The following CTNND2 variants were observed in gnomAD, a reference collection of about 807,000 sequenced individuals.
CTNND2 encodes catenin delta-2.
A neutral mutation model predicts 144.4 loss-of-function variants in CTNND2; 22 were observed. The observed-to-expected ratio is 0.15, with a 90% CI of 0.11 to 0.22. The LOEUF (loss-of-function observed/expected upper bound fraction) is 0.22. CTNND2 is among the 10% of genes least tolerant of loss of function. The pLI is 1.00. For missense variants in CTNND2, 1,353 were observed against 1,618.8 expected, an observed-to-expected ratio of 0.84 and a Z score of 2.82; for synonymous variants, 751 against 695.6, an observed-to-expected ratio of 1.08 and a Z score of -1.25.
intron 1 of CTNND2, among the ~76,000 whole-genome samples, chr5:11,791,406 C>T (rs911260552): frequency 6.6e-6 from 1 of 152,048 alleles, no homozygotes; most frequent in Non-Finnish European, 1.5e-5. Flanking sequence ...GTTATCTGAG[C>T]TAGTATGAAA....
chr5:11,650,412 A>G (rs1782589958), intron 2 of CTNND2, among the ~76,000 whole-genome samples: 1 of 152,166 alleles, frequency 6.6e-6, no homozygotes, highest in Admixed American at 6.5e-5. Flanking sequence ...GCAATGCAAG[A>G]ATGGACTAAT....
At chr5:11,721,025 G>A (rs1291666415) in intron 2 of CTNND2, among the ~76,000 whole-genome samples, 1 of 152,060 alleles carries the variant, frequency 6.6e-6, no homozygotes, top group Admixed American at 6.6e-5. Flanking sequence ...AATATTCACA[G>A]CAACACTATT....
chr5:11,320,169 G>A (rs1334404561), intron 9 of CTNND2, among the ~76,000 whole-genome samples: 1 of 152,184 alleles, frequency 6.6e-6, no homozygotes, highest in Non-Finnish European at 1.5e-5. Context: ...ATATCAAAAG[G>A]AAATTAAATC....
At chr5:11,173,718 G>A (rs889596301) in intron 11 of CTNND2, among the ~76,000 whole-genome samples, 4 of 152,128 alleles carry the variant, frequency 2.6e-5, no homozygotes, top group African/African-American at 7.2e-5. Flanking sequence ...GAGCTATAAG[G>A]TTAGGCTTTG....
Position 11,703,643 on chromosome 5 carries a change from A to G in CTNND2, c.174+28493T>C, listed in dbSNP as rs550757807. On this transcript the variant is annotated intron_variant, in intron 2 of 21. Transcript: ENST00000304623. ...TGCAAGATTTAGAGTGGAATAAAAT[A>G]TTGTCTCTGCCCTCAGGGAGTAGAC... Among the ~76,000 whole-genome samples the G allele has an allele frequency of 2.6e-5, 4 of 152,348 alleles. No homozygotes were observed. The South Asian group carries it at 6.2e-4, about 24-fold the overall frequency.
chr5:11,826,165 G>A (rs2126951866), intron 1 of CTNND2, among the ~76,000 whole-genome samples: 1 of 152,062 alleles, frequency 6.6e-6, no homozygotes, highest in African/African-American at 2.4e-5. Flanking sequence ...TATTATTGTG[G>A]ATTTTACAAC....
intron 1 of CTNND2, among the ~76,000 whole-genome samples, chr5:11,876,105 G>A (rs1185685734): frequency 6.6e-6 from 1 of 152,150 alleles, no homozygotes. Flanking sequence ...ATACAAAGAA[G>A]TGGAAGACAC....
chr5:11,657,147 G>C (rs969946802), intron 2 of CTNND2, among the ~76,000 whole-genome samples: 21 of 152,132 alleles, frequency 1.4e-4, no homozygotes, highest in Admixed American at 6.6e-5. Flanking sequence ...GAGGGTGGCA[G>C]TGTGGGGAAA....
intron 21 of CTNND2, among the ~76,000 whole-genome samples, chr5:10,980,551 TACCCAA>T: frequency 6.6e-6 from 1 of 152,328 alleles, no homozygotes; most frequent in Middle Eastern, 3.4e-3. Flanking sequence ...ACTGGGTATA[TACCCAA>T]AGGGTTATAA....
At chr5:11,323,531 A>G (rs987974265) in intron 9 of CTNND2, among the ~76,000 whole-genome samples, 1 of 152,164 alleles carries the variant, frequency 6.6e-6, no homozygotes, top group Non-Finnish European at 1.5e-5. Context: ...GAGGACTTGA[A>G]GATGATGCTA....
intron 12 of CTNND2, among the ~76,000 whole-genome samples, chr5:11,135,226 T>C (rs1756014501): frequency 6.6e-6 from 1 of 152,158 alleles, no homozygotes; most frequent in Non-Finnish European, 1.5e-5. Flanking sequence ...ATAATAATGG[T>C]TCTTAGAACT....
At position 10,988,219 on chromosome 5, in the gene CTNND2, C is replaced by T; in HGVS notation, c.3235G>A (p.Glu1079Lys). ...RSASAPASPR[E>K]MISLKERKTD... Reference sequence around the variant, plus strand: ...TTCCTTTCTTTGAGGCTGATCATTTCCCGAGGTGAAGCTGGGGCACTTGCT... The same window carrying T: ...TTCCTTTCTTTGAGGCTGATCATTTTCCGAGGTGAAGCTGGGGCACTTGCT... Residue 1079 changes from glutamate (E) to lysine (K), a missense_variant, in exon 20 of 22, where the codon GAA becomes AAA. Physicochemically the swap from Glu to Lys is moderately conservative, Grantham distance 56. Transcript: ENST00000304623. The surrounding 1 kb of genome is among the most constrained non-coding windows in gnomAD (Gnocchi z 5.9). 1 of 1,614,164 alleles carries T rather than the reference C, an allele frequency of 6.2e-7. No individual in the cohort carries two copies. The highest frequency in any genetic ancestry group is 8.5e-7 in the Non-Finnish European group (1 of 1,180,024).
At chr5:11,526,887 G>A (rs1773296787) in intron 3 of CTNND2, among the ~76,000 whole-genome samples, 1 of 122,156 alleles carries the variant, frequency 8.2e-6, no homozygotes, top group South Asian at 3.0e-4. Flanking sequence ...TGTCCATACT[G>A]TGGAATATTA....
intron 12 of CTNND2, among the ~76,000 whole-genome samples, chr5:11,137,917 T>A (rs1005441152): frequency 2.6e-5 from 4 of 152,234 alleles, no homozygotes; most frequent in Admixed American, 6.5e-5. Context: ...ATAAATTTAT[T>A]ACCTTACAGT....
At chr5:10,985,545 C>A (rs1368308416) in intron 20 of CTNND2, among the ~76,000 whole-genome samples, 1 of 152,192 alleles carries the variant, frequency 6.6e-6, no homozygotes, top group African/African-American at 2.4e-5. Context: ...GCACTTCCAG[C>A]CCTCATAGGC....
rs201500099 is a variant in CTNND2 at position 11,418,996 on chromosome 5, C to CTA, written c.288-6929_288-6928dup. Among the ~76,000 whole-genome samples the CTA allele has an allele frequency of 3.1e-4, 46 of 147,886 alleles. 1 individual carries two copies. In the East Asian group the frequency reaches 4.6e-3, roughly 15 times the overall value. Reference sequence around the variant, plus strand: ...CATTAATACATATACATGCATCTCTCTATATATATATATCTATATAGATGT... The same window carrying CTA: ...CATTAATACATATACATGCATCTCTCTATATATATATATATCTATATAGATGT... On this transcript the variant is annotated intron_variant, in intron 3 of 21. Coordinates refer to ENST00000304623, the MANE Select transcript of CTNND2 (RefSeq NM_001332.4).
At chr5:11,196,158 T>C (rs1332456000) in intron 11 of CTNND2, among the ~76,000 whole-genome samples, 1 of 152,262 alleles carries the variant, frequency 6.6e-6, no homozygotes, top group Non-Finnish European at 1.5e-5. Flanking sequence ...AGATCATTTC[T>C]TTCTTATTTA....
intron 14 of CTNND2, among the ~76,000 whole-genome samples, chr5:11,103,336 T>A (rs1276051676): frequency 6.6e-6 from 1 of 151,964 alleles, no homozygotes; most frequent in Non-Finnish European, 1.5e-5. Context: ...TGGAAGCCAT[T>A]TGCTCCTTAT....
intron 9 of CTNND2, among the ~76,000 whole-genome samples, chr5:11,308,764 A>T (rs989132589): frequency 1.3e-5 from 2 of 152,218 alleles, no homozygotes; most frequent in African/African-American, 4.8e-5. Context: ...GATGTACCAC[A>T]GTCTATCTGT....
Sources: allele counts gnomAD v4.1 joint callset (sites outside exome capture counted in the v4.1 genomes callset), GRCh38; gene constraint gnomAD v4.1.1; non-coding constraint Gnocchi (gnomAD v3.1); transcripts MANE v1.5; gene names NCBI Gene and HGNC (gene_info 2026-07-23, HGNC 2026-07-21).